Variants in ASIC2 observed in about 807,000 individuals in gnomAD.
ASIC2 encodes acid sensing ion channel subunit 2.
A neutral mutation model predicts 57.3 loss-of-function variants in ASIC2; 25 were observed. That is an observed-to-expected ratio of 0.44 (90% CI 0.32 to 0.61). The LOEUF is 0.61. ASIC2 is among the 20% of genes least tolerant of loss of function. The pLI is 0.06. For missense variants in ASIC2, 641 were observed against 738.1 expected, an observed-to-expected ratio of 0.87 and a Z score of 1.52; for synonymous variants, 319 against 307.5, an observed-to-expected ratio of 1.04 and a Z score of -0.39.
chr17:34,060,350 T>G (rs562132539), intron 1 of ASIC2, among the ~76,000 whole-genome samples: 1 of 152,304 alleles, frequency 6.6e-6, no homozygotes, highest in East Asian at 1.9e-4. Context: ...AACAACAGCC[T>G]TCAGCCCTAG....
chr17:34,064,275 G>T (rs1909083030), intron 1 of ASIC2, among the ~76,000 whole-genome samples: 1 of 152,140 alleles, frequency 6.6e-6, no homozygotes, highest in South Asian at 2.1e-4. Flanking sequence ...ATAAAGTGGG[G>T]AAAGGACACC....
intron 2 of ASIC2, among the ~76,000 whole-genome samples, chr17:33,101,741 A>G (rs533341095): frequency 6.6e-6 from 1 of 152,330 alleles, no homozygotes; most frequent in East Asian, 1.9e-4. Flanking sequence ...TGGTTAAATC[A>G]GTATCCAGCT....
intron 3 of ASIC2, among the ~76,000 whole-genome samples, chr17:33,080,564 A>ATACATACC (rs2092109251): frequency 2.0e-5 from 3 of 152,158 alleles, no homozygotes; most frequent in South Asian, 4.1e-4. Flanking sequence ...ACATACATAC[A>ATACATACC]TACATACCTC....
chr17:34,031,820 T>C (rs1259439469), intron 1 of ASIC2, among the ~76,000 whole-genome samples: 1 of 151,958 alleles, frequency 6.6e-6, no homozygotes, highest in Non-Finnish European at 1.5e-5. Context: ...GAAAAAAGAA[T>C]AAAAAGAAAC....
At chr17:33,426,046 A>T (rs1356410953) in intron 1 of ASIC2, among the ~76,000 whole-genome samples, 1 of 152,236 alleles carries the variant, frequency 6.6e-6, no homozygotes, top group African/African-American at 2.4e-5. Flanking sequence ...GCATTCTTCA[A>T]CCTGCCACTC....
intron 1 of ASIC2, among the ~76,000 whole-genome samples, chr17:33,863,625 G>A (rs1210382637): frequency 1.3e-5 from 2 of 152,206 alleles, no homozygotes; most frequent in African/African-American, 4.8e-5. Flanking sequence ...GGACTTGCAA[G>A]ATAATCCGGG....
At chr17:33,565,850 A>G in intron 1 of ASIC2, 1 of 152,392 alleles carries the variant, frequency 6.6e-6, no homozygotes, top group Admixed American at 6.5e-5. Flanking sequence ...AACAGCTTGA[A>G]GGTGAAACCA....
At chr17:33,530,616 C>T (rs1915021950) in intron 1 of ASIC2, among the ~76,000 whole-genome samples, 1 of 152,182 alleles carries the variant, frequency 6.6e-6, no homozygotes, top group Non-Finnish European at 1.5e-5. Context: ...TTTGGGCCTG[C>T]ACTAAGCCCT....
intron 1 of ASIC2, among the ~76,000 whole-genome samples, chr17:33,453,308 G>T: frequency 6.7e-6 from 1 of 149,412 alleles, no homozygotes. Flanking sequence ...AAAAGAAACT[G>T]ATTTTACATT....
At chr17:33,040,078 TG>T (rs2091923969) in intron 3 of ASIC2, among the ~76,000 whole-genome samples, 2 of 152,234 alleles carry the variant, frequency 1.3e-5, no homozygotes, top group Admixed American at 6.5e-5. Context: ...TGTAACAAGA[TG>T]GAACATCTCC....
chr17:33,764,019 T>C (rs1910860252), intron 1 of ASIC2, among the ~76,000 whole-genome samples: 1 of 152,020 alleles, frequency 6.6e-6, no homozygotes, highest in Non-Finnish European at 1.5e-5. Flanking sequence ...TTCGGCCGGG[T>C]GCCGTGGCTC....
chr17:33,474,247 G>A (rs921744070), intron 1 of ASIC2, among the ~76,000 whole-genome samples: 2 of 152,170 alleles, frequency 1.3e-5, no homozygotes, highest in Non-Finnish European at 2.9e-5. Context: ...CACACCTGTA[G>A]TCTCAGCTAC....
intron 1 of ASIC2, chr17:33,131,592 G>A (rs1217655100): frequency 6.6e-6 from 1 of 152,270 alleles, no homozygotes; most frequent in African/African-American, 2.4e-5. Flanking sequence ...CACACCAAGG[G>A]TGTCTAACAG....
chr17:34,047,450 A>G (rs1382816756), intron 1 of ASIC2, among the ~76,000 whole-genome samples: 1 of 141,544 alleles, frequency 7.1e-6, no homozygotes, highest in Non-Finnish European at 1.5e-5. Flanking sequence ...CTAATATTCT[A>G]TAACATGGCT....
chr17:33,081,627 C>G (rs146099819), intron 3 of ASIC2, among the ~76,000 whole-genome samples: 11 of 151,614 alleles, frequency 7.3e-5, no homozygotes, highest in African/African-American at 2.4e-4. Context: ...TATTAAGGAC[C>G]ATGGATCTGG....
rs190882064 is a variant in ASIC2, at chr17:33,579,753, G to A, written c.556-467686C>T. 1.3e-3 allele frequency among the ~76,000 whole-genome samples: 194 copies of A among 152,272 alleles called. 1 individual carries two copies. The highest frequency in any genetic ancestry group is 6.8e-4 in the Non-Finnish European group (46 of 68,022). ...GTGCGGACCCAAACACTAAACAGCAGCAAAACTCATTCAGAAGAGCAAAAG... is the reference window on the plus strand; with the variant it reads ...GTGCGGACCCAAACACTAAACAGCAACAAAACTCATTCAGAAGAGCAAAAG... On this transcript the variant is annotated intron_variant, in intron 1 of 9. Coordinates refer to the ASIC2 transcript ENST00000359872.
chr17:33,015,867 G>T, intron 9 of ASIC2, 104 bp downstream of exon 9: 1 of 1,192,736 alleles, frequency 8.4e-7, no homozygotes, highest in Non-Finnish European at 1.2e-6. Context: ...ATGGAAAGGT[G>T]TGCAGTGAGT....
intron 1 of ASIC2, among the ~76,000 whole-genome samples, chr17:33,835,741 AT>A (rs952849857): frequency 2.0e-5 from 3 of 152,150 alleles, no homozygotes; most frequent in African/African-American, 7.2e-5. Flanking sequence ...AATCACTGAC[AT>A]TTTATTGAGT....
chr17:33,264,004 C>G (rs1012090479), intron 1 of ASIC2, among the ~76,000 whole-genome samples: 3 of 152,226 alleles, frequency 2.0e-5, no homozygotes, highest in Non-Finnish European at 4.4e-5. Flanking sequence ...CTGCCTCCTG[C>G]CAGCTGTGTG....
Sources: gnomAD v4.1 joint callset for allele counts (sites outside exome capture counted in the v4.1 genomes callset) on GRCh38, gnomAD v4.1.1 for gene constraint, MANE v1.5 for transcripts, NCBI Gene and HGNC (gene_info 2026-07-23, HGNC 2026-07-21) for gene names.